The following GBP3 variants were observed in gnomAD, a reference collection of about 807,000 sequenced individuals.
GBP3 encodes the protein guanylate-binding protein 3.
In GBP3, 55 loss-of-function variants were observed where a neutral mutation model predicts 62.4. The observed-to-expected ratio is 0.88, with a 90% CI of 0.71 to 1.10. The LOEUF is 1.10. Among genes scored for constraint, GBP3 ranks in the 50% least tolerant of loss-of-function variants. The probability of loss-of-function intolerance (pLI) is 0.00; values close to 1 mark genes in which losing one functional copy is unlikely to be tolerated. For missense variants in GBP3, 605 were observed against 690.6 expected, an observed-to-expected ratio of 0.88 and a Z score of 1.39; for synonymous variants, 208 against 259.2, an observed-to-expected ratio of 0.80 and a Z score of 1.90.
intron 6 of GBP3, 146 bp downstream of exon 6, chr1:89,013,039 T>C: frequency 3.9e-6 from 3 of 774,814 alleles, no homozygotes; most frequent in South Asian, 4.0e-5. Context: ...GGTTTTGCCA[T>C]GTGGGCTAGG....
At position 89,014,071 on chromosome 1, in the gene GBP3, C is replaced by A. The variant is rs775090421; in HGVS notation, c.625+12G>T. 1 of 1,611,446 alleles carries A rather than the reference C, an allele frequency of 6.2e-7. No individual in the cohort carries two copies. The highest frequency in any genetic ancestry group is 1.1e-5 in the South Asian group (1 of 91,014). ...TTGTCGTCCTCATTTATCAATGGTA[C>A]GTCTCTGTTACCTTGCGTTAGCTTC... On this transcript the variant is annotated intron_variant, in intron 5 of 10. Coordinates refer to ENST00000370481, the MANE Select transcript of GBP3 (RefSeq NM_018284.3).
intron 5 of GBP3, 54 bp from the exon 6 acceptor site, chr1:89,013,481 C>T: frequency 6.5e-7 from 1 of 1,537,876 alleles, no homozygotes; most frequent in Non-Finnish European, 8.8e-7. Flanking sequence ...CGTAAAGCGT[C>T]AAATAGTAAA....
At chr1:89,010,454 C>T (rs1474537649) in intron 8 of GBP3, among the ~76,000 whole-genome samples, 1 of 137,888 alleles carries the variant, frequency 7.3e-6, no homozygotes, top group East Asian at 2.1e-4. Context: ...GGGTCTGGCT[C>T]TGTTGCCCAG....
chr1:89,013,068 C>G, intron 6 of GBP3, 117 bp downstream of exon 6: 1 of 1,139,184 alleles, frequency 8.8e-7, no homozygotes, highest in South Asian at 1.5e-5. Flanking sequence ...AAACTCCTGG[C>G]CTCAAGTGAT....
intron 10 of GBP3, 52 bp downstream of exon 10, chr1:89,008,895 A>C (rs1181776531): frequency 1.2e-6 from 2 of 1,613,236 alleles, no homozygotes; most frequent in Admixed American, 1.7e-5. Context: ...TGTGATCAGG[A>C]AGAACAGAGA....
At chr1:89,021,826 A>AGAGAGAGG (rs1679247231) in intron 1 of GBP3, among the ~76,000 whole-genome samples, 1 of 116,880 alleles carries the variant, frequency 8.6e-6, no homozygotes, top group Admixed American at 8.9e-5. Context: ...AGAGAGAGAG[A>AGAGAGAGG]GAGAGAAAGT....
intron 1 of GBP3, 25 bp downstream of exon 1, chr1:89,022,659 G>T (rs1679312038): frequency 6.6e-6 from 1 of 152,228 alleles, no homozygotes; most frequent in Admixed American, 6.5e-5. Flanking sequence ...TTCAGAGCTG[G>T]AGAGGAAGCA....
At chr1:89,008,724 A>G (rs920249306) in intron 10 of GBP3, 4 of 735,252 alleles carry the variant, frequency 5.4e-6, no homozygotes, top group Non-Finnish European at 8.6e-6. Context: ...AAGTGGAAGG[A>G]TACACTAAAA....
chr1:89,007,673 A>G lies in GBP3; in HGVS notation c.*51T>C, dbSNP rs1678292928. On this transcript the variant is annotated 3_prime_UTR_variant, in exon 11 of 11. Coordinates refer to ENST00000370481, the MANE Select transcript of GBP3 (RefSeq NM_018284.3). ...TATAGTGACACTTGTTCCAAATTCT[A>G]AAATTGTTTCAGTTATGCCTTGGGT... 17 of 1,546,698 alleles carry G rather than the reference A, an allele frequency of 1.1e-5. No individual in the cohort carries two copies. The highest frequency in any genetic ancestry group is 1.5e-5 in the Non-Finnish European group (17 of 1,142,366).
chr1:89,014,332 A>G lies in GBP3; in HGVS notation c.429-53T>C, dbSNP rs1678762662. Reference sequence around the variant, plus strand: ...AAAATGAACAGGAACCTCATCCCATATTAGTTCAACACATTCCCAAACCTT... The same window carrying G: ...AAAATGAACAGGAACCTCATCCCATGTTAGTTCAACACATTCCCAAACCTT... On this transcript the variant is annotated intron_variant, in intron 4 of 10. Coordinates refer to ENST00000370481, the MANE Select transcript of GBP3 (RefSeq NM_018284.3). The G allele has an allele frequency of 8.7e-6, 14 of 1,613,090 alleles. No homozygotes were observed. In the Admixed American group the frequency reaches 1.5e-4, roughly 17 times the overall value.
At chr1:89,014,694 C>T (rs1401716217) in intron 3 of GBP3, 38 bp from the exon 4 acceptor site, 2 of 1,613,210 alleles carry the variant, frequency 1.2e-6, no homozygotes, top group South Asian at 2.2e-5. Flanking sequence ...GAGCAAGTTT[C>T]ATCATCACAG....
intron 1 of GBP3, among the ~76,000 whole-genome samples, chr1:89,022,279 A>C (rs974217239): frequency 6.6e-6 from 1 of 152,094 alleles, no homozygotes; most frequent in Non-Finnish European, 1.5e-5. Context: ...AAAAGAACCC[A>C]TTTGTAGCTC....
chr1:89,021,749 A>T (rs145046597), intron 1 of GBP3, among the ~76,000 whole-genome samples: 17 of 145,346 alleles, frequency 1.2e-4, no homozygotes, highest in Non-Finnish European at 2.4e-4. Flanking sequence ...GAAGAGGAGA[A>T]ATAGAAGTGA....
Position 89,021,540 on chromosome 1 carries a change from A to C in GBP3, c.-22-797T>G, listed in dbSNP as rs533102732. Among the ~76,000 whole-genome samples, 8 of 144,144 alleles carry C rather than the reference A, an allele frequency of 5.6e-5. No individual in the cohort carries two copies. The East Asian group carries it at 6.2e-4, about 11-fold the overall frequency. The allele number at this position is 144,144 out of a possible 152,430, so 94.6% of individuals were successfully genotyped here. On this transcript the variant is annotated intron_variant, in intron 1 of 10. Transcript: ENST00000370481. ...CACACACACACACACACACACACACACACACCCCAAAAAAACCAAACCAAA... is the reference window on the plus strand; with the variant it reads ...CACACACACACACACACACACACACCCACACCCCAAAAAAACCAAACCAAA...
chr1:89,020,425 G>T, intron 2 of GBP3, 107 bp downstream of exon 2: 1 of 1,322,976 alleles, frequency 7.6e-7, no homozygotes, highest in Non-Finnish European at 1.1e-6. Flanking sequence ...TGAATGGAAA[G>T]TTAGCTTATT....
At position 89,020,677 on chromosome 1, in the gene GBP3, C is replaced by T. The variant is rs1294535124; in HGVS notation, c.45G>A (p.Glu15=). ...TCGCCACCAGTTCCCCATTAGTGTT[C>T]TCAATGAGGCACATTGGGCCTGTCA... The part of the protein sequence containing the change: ...IHMTGPMCLI[E]NTNGELVANP... The change falls in exon 2 of 11, where the codon GAG becomes GAA. Residue 15 remains glutamate, a synonymous_variant. Transcript: ENST00000370481. The T allele has an allele frequency of 6.2e-7, 1 of 1,614,036 alleles. No homozygotes were observed. The highest frequency in any genetic ancestry group is 8.5e-7 in the Non-Finnish European group (1 of 1,180,022).
Position 89,012,074 on chromosome 1 carries a change from T to C in GBP3, c.869-47A>G, listed in dbSNP as rs369680501. The C allele has an allele frequency of 2.1e-6, 3 of 1,397,406 alleles. No individual in the cohort carries two copies. In the African/African-American group the frequency reaches 4.1e-5, roughly 19 times the overall value. 86.6% of individuals were successfully genotyped at this position (1,397,406 alleles called of 1,614,324 possible). ...TAATGTTTCTTGTACTAAAGAAAAC[T>C]CTCTATTCTGTGTAATTCTGAACAT... On this transcript the variant is annotated intron_variant, in intron 6 of 10. Transcript: ENST00000370481.
Position 89,015,311 on chromosome 1 carries a change from A to G in GBP3, c.294T>C (p.Thr98=), listed in dbSNP as rs140447258. Residue 98 remains threonine (T), a synonymous_variant, in exon 3 of 11, where the codon ACT becomes ACC. Transcript: ENST00000370481. ...CCTTCTTTACATCTCCCAGGCCCTC[A>G]GTGTCAAGCAGGACTAAGGTGTGTT... ...KPEHTLVLLD[T]EGLGDVKKGD... 20 of 1,611,586 alleles carry G rather than the reference A, an allele frequency of 1.2e-5. No homozygotes were observed. The highest frequency in any genetic ancestry group is 3.3e-5 in the Admixed American group (2 of 59,752).
intron 2 of GBP3, among the ~76,000 whole-genome samples, chr1:89,018,210 G>A (rs1167854705): frequency 6.6e-6 from 1 of 152,200 alleles, no homozygotes; most frequent in East Asian, 1.9e-4. Context: ...GTGCCAGGTT[G>A]GACTGCCAGA....
Sources: allele counts gnomAD v4.1 joint callset (sites outside exome capture counted in the v4.1 genomes callset), GRCh38; gene constraint gnomAD v4.1.1; transcripts MANE v1.5; gene names NCBI Gene and HGNC (gene_info 2026-07-23, HGNC 2026-07-21).